TP73: variants seen among roughly 807,000 people sequenced by gnomAD.
TP73 encodes the protein tumor protein p73.
Under a neutral mutation model 62.5 loss-of-function variants are expected in TP73, and 25 were observed. The observed-to-expected ratio is 0.40, with a 90% CI of 0.29 to 0.56. The LOEUF is 0.56. Ranked by LOEUF, TP73 falls within the 20% of genes least tolerant of loss-of-function variation. The pLI is 0.46. For synonymous variants in TP73, 423 were observed against 377.5 expected (o/e 1.12, Z -1.40); for missense variants, 754 against 913.3 (o/e 0.83, Z 2.25).
At chr1:3,690,865 A>G in intron 3 of TP73, 4 of 1,560,422 alleles carry the variant, frequency 2.6e-6, no homozygotes, top group Non-Finnish European at 3.5e-6. Context: ...GTCCCACGGG[A>G]CACCAGTTCC....
intron 1 of TP73, among the ~76,000 whole-genome samples, chr1:3,654,800 T>G (rs1199207880): frequency 6.6e-6 from 1 of 152,214 alleles, no homozygotes; most frequent in Non-Finnish European, 1.5e-5. Context: ...ATGGCATCTG[T>G]CAGAAGTATG....
chr1:3,705,547 G>A (rs376305703), intron 3 of TP73, among the ~76,000 whole-genome samples: 27 of 152,386 alleles, frequency 1.8e-4, no homozygotes, highest in East Asian at 1.7e-3. Context: ...GACCCTTGCA[G>A]TGGAGCCAGG....
At chr1:3,729,600 TC>T (rs747408483) in intron 10 of TP73, 152 bp downstream of exon 10, 1 of 1,384,960 alleles carries the variant, frequency 7.2e-7, no homozygotes, top group East Asian at 2.3e-5. Context: ...CCACATCTCC[TC>T]CTCCAGGAAG....
rs556477006 is a variant in TP73 at position 3,706,171 on chromosome 1, A to G, written c.187-1378A>G. On this transcript the variant is annotated intron_variant, in intron 3 of 13. Transcript: ENST00000378295. ...CCTTCCTGCCCTGCAATCCCAGTTCACGGTCTGGGGGTCTCAGCCTGCACC... is the reference window on the plus strand; with the variant it reads ...CCTTCCTGCCCTGCAATCCCAGTTCGCGGTCTGGGGGTCTCAGCCTGCACC... Among the ~76,000 whole-genome samples, 346 of 151,556 alleles carry G rather than the reference A, an allele frequency of 2.3e-3. 2 individuals are homozygous for G. Among genetic ancestry groups the G allele is most frequent in the Middle Eastern group, 6.8e-3 (2 of 294 alleles).
At chr1:3,689,416 G>A (rs960256856) in intron 3 of TP73, among the ~76,000 whole-genome samples, 3 of 152,186 alleles carry the variant, frequency 2.0e-5, no homozygotes, top group African/African-American at 4.8e-5. Context: ...GCTGCCTCCC[G>A]GCCCTAGGGC....
rs759812085 is a variant in TP73, at chr1:3,732,835, C to T, written c.1667C>T (p.Thr556Ile). ...QDLKQGHDYS[T>I]AQQLLRSSNA... ...CTGAAGCAGGGCCACGACTACAGCA[C>T]CGCGCAGCAGCTGCTCCGCTCTAGC... The change falls in exon 14 of 14, where the codon ACC (threonine) becomes ATC (isoleucine). Residue 556 changes from threonine to isoleucine, a missense_variant. By Grantham distance (89) the Thr-to-Ile change is moderately conservative. Coordinates refer to ENST00000378295, the MANE Select transcript of TP73 (RefSeq NM_005427.4). The T allele has an allele frequency of 1.9e-6, 3 of 1,611,868 alleles. No individual in the cohort carries two copies. The South Asian group carries it at 3.3e-5, about 18-fold the overall frequency.
At chr1:3,724,177 G>T (rs1057130657) in intron 6 of TP73, among the ~76,000 whole-genome samples, 4 of 152,136 alleles carry the variant, frequency 2.6e-5, no homozygotes, top group East Asian at 1.9e-4. Context: ...GGTGTGAAAG[G>T]CTGGGGTAGG....
chr1:3,728,451 G>A (rs909407544), intron 9 of TP73, among the ~76,000 whole-genome samples: 1 of 152,230 alleles, frequency 6.6e-6, no homozygotes, highest in African/African-American at 2.4e-5. Flanking sequence ...CCAGCGTCAT[G>A]CCATTTACAA....
At chr1:3,655,858 G>T (rs973017907) in intron 1 of TP73, among the ~76,000 whole-genome samples, 1 of 152,128 alleles carries the variant, frequency 6.6e-6, no homozygotes, top group East Asian at 1.9e-4. Context: ...TCTGTGGGTC[G>T]TGCAGAAGGT....
intron 3 of TP73, 45 bp downstream of exon 3, chr1:3,683,225 A>G (rs752551379): frequency 6.4e-7 from 1 of 1,565,630 alleles, no homozygotes; most frequent in Non-Finnish European, 8.7e-7. Context: ...GAGTGGGGAC[A>G]ACAAATGTGG....
In TP73 at chr1:3,699,216, G is replaced by A. The variant is rs78413366; in HGVS notation, c.187-8333G>A. 0.014 allele frequency among the ~76,000 whole-genome samples: 2,207 copies of A among 152,294 alleles called. 52 individuals carry two copies. Among genetic ancestry groups the A allele is most frequent in the African/African-American group, 0.05 (2,083 of 41,552 alleles). ...CGGGCTCCGGGAGATGCTGTGGGAAGTACCGGCAGGACGGAGGTCTTGCCC... is the reference window on the plus strand; with the variant it reads ...CGGGCTCCGGGAGATGCTGTGGGAAATACCGGCAGGACGGAGGTCTTGCCC... On this transcript the variant is annotated intron_variant, in intron 3 of 13. Coordinates refer to ENST00000378295, the MANE Select transcript of TP73 (RefSeq NM_005427.4). This position sits in a 1 kb window ranked among gnomAD's most constrained non-coding sequence, Gnocchi z 4.1.
chr1:3,692,817 T>G (rs1476084408), intron 3 of TP73, among the ~76,000 whole-genome samples: 2 of 151,816 alleles, frequency 1.3e-5, no homozygotes, highest in African/African-American at 2.4e-5. Context: ...AGTATGTGGT[T>G]GCGCAGACGC....
chr1:3,681,729 G>A (rs561852456), intron 1 of TP73, among the ~76,000 whole-genome samples: 2 of 152,212 alleles, frequency 1.3e-5, no homozygotes, highest in Admixed American at 6.5e-5. Context: ...AGCCTCCAGC[G>A]CAGCCCTCAC....
chr1:3,700,629 C>G (rs1351280650), intron 3 of TP73, among the ~76,000 whole-genome samples: 1 of 152,082 alleles, frequency 6.6e-6, no homozygotes, highest in Non-Finnish European at 1.5e-5. Context: ...AAACCCCCGT[C>G]TCTACTAAAA....
intron 4 of TP73, 76 bp from the exon 5 acceptor site, chr1:3,721,945 C>T (rs1448986006): frequency 1.4e-6 from 2 of 1,471,994 alleles, no homozygotes; most frequent in Non-Finnish European, 9.1e-7. Context: ...GAGGACGTGG[C>T]TCCCAATGGG....
At chr1:3,707,259 C>A (rs115837533) in intron 3 of TP73, among the ~76,000 whole-genome samples, 6 of 152,278 alleles carry the variant, frequency 3.9e-5, no homozygotes, top group African/African-American at 1.4e-4. Context: ...CTCCCCCACC[C>A]GACGCCTCCC....
intron 1 of TP73, among the ~76,000 whole-genome samples, chr1:3,674,725 C>T (rs1224607321): frequency 4.6e-5 from 7 of 152,344 alleles, no homozygotes; most frequent in Admixed American, 1.3e-4. Context: ...CAAGCGAGAG[C>T]GGCCCCTCTT....
At chr1:3,656,425 A>T (rs1035397473) in intron 1 of TP73, among the ~76,000 whole-genome samples, 1 of 152,242 alleles carries the variant, frequency 6.6e-6, no homozygotes, top group African/African-American at 2.4e-5. Context: ...TTGTTTTTTA[A>T]TGTTTCCTGT....
chr1:3,701,984 G>A lies in TP73; in HGVS notation c.187-5565G>A, dbSNP rs767233019. Among the ~76,000 whole-genome samples, 2 of 152,166 alleles carry A rather than the reference G, an allele frequency of 1.3e-5. No individual in the cohort carries two copies. The highest frequency in any genetic ancestry group is 2.9e-5 in the Non-Finnish European group (2 of 68,024). On this transcript the variant is annotated intron_variant, in intron 3 of 13. Coordinates refer to ENST00000378295, the MANE Select transcript of TP73 (RefSeq NM_005427.4). This position sits in a 1 kb window ranked among gnomAD's most constrained non-coding sequence, Gnocchi z 4.7. ...GTCTCTCCTGCCCCTCTCCTGGATG[G>A]GCAGAGAGGCCTGGTTTCCAGGATG...
Sources: gnomAD v4.1 joint callset for allele counts (sites outside exome capture counted in the v4.1 genomes callset) on GRCh38, gnomAD v4.1.1 for gene constraint, Gnocchi (gnomAD v3.1) non-coding constraint, MANE v1.5 for transcripts, NCBI Gene and HGNC (gene_info 2026-07-23, HGNC 2026-07-21) for gene names.